The following SAMSN1 variants were observed in gnomAD, a reference collection of about 807,000 sequenced individuals.
SAMSN1 encodes the protein SAM domain-containing protein SAMSN-1.
A neutral mutation model predicts 42.0 loss-of-function variants in SAMSN1; 31 were observed. That is an observed-to-expected ratio of 0.74 (90% CI 0.55 to 1.00). The LOEUF is 1.00. Ranked by LOEUF, SAMSN1 falls within the 50% of genes least tolerant of loss-of-function variation. The pLI is 0.00. For synonymous variants in SAMSN1, 178 were observed against 151.9 expected (o/e 1.17, Z -1.26); for missense variants, 464 against 439.4 (o/e 1.06, Z -0.50).
intron 2 of SAMSN1, among the ~76,000 whole-genome samples, chr21:14,628,911 C>T (rs1417645918): frequency 6.6e-6 from 1 of 152,100 alleles, no homozygotes; most frequent in Non-Finnish European, 1.5e-5. Context: ...TTACAATTAA[C>T]CTCAATTTAT....
intron 1 of SAMSN1, among the ~76,000 whole-genome samples, chr21:14,528,839 G>T (rs567479183): frequency 6.6e-6 from 1 of 152,060 alleles, no homozygotes; most frequent in East Asian, 1.9e-4. Context: ...GCTCCACATT[G>T]CCATGACCGT....
At chr21:14,598,333 A>G (rs1198261160) in intron 6 of SAMSN1, 3 of 152,184 alleles carry the variant, frequency 2.0e-5, no homozygotes, top group Non-Finnish European at 4.4e-5. Flanking sequence ...ATTACTGCAT[A>G]TTTTATTCCC....
intron 1 of SAMSN1, among the ~76,000 whole-genome samples, chr21:14,658,557 C>G (rs765625269): frequency 4.6e-5 from 7 of 151,890 alleles, no homozygotes; most frequent in Non-Finnish European, 1.0e-4. Flanking sequence ...TAATACTTGT[C>G]TTTGAGTAGA....
intron 1 of SAMSN1, among the ~76,000 whole-genome samples, chr21:14,527,760 T>TAAAAAAAAAAAAAAAAAAAAAA (rs71183427): frequency 1.9e-5 from 2 of 107,878 alleles, no homozygotes; most frequent in Non-Finnish European, 3.6e-5. Flanking sequence ...AAACTAGAAC[T>TAAAAAAAAAAAAAAAAAAAAAA]AAAAAAAAAA....
intron 2 of SAMSN1, among the ~76,000 whole-genome samples, chr21:14,564,354 G>A (rs1484752115): frequency 1.3e-5 from 2 of 152,160 alleles, no homozygotes; most frequent in Non-Finnish European, 2.9e-5. Context: ...GAAAAAATGA[G>A]CAAAATGAGC....
intron 2 of SAMSN1, among the ~76,000 whole-genome samples, chr21:14,577,236 GTGTATA>G (rs1219179577): frequency 0.028 from 865 of 30,816 alleles, 68 homozygotes; most frequent in Admixed American, 0.074. Context: ...ATATATATGT[GTGTATA>G]TATATATATA....
chr21:14,611,152 T>G (rs1409925582), intron 4 of SAMSN1, among the ~76,000 whole-genome samples: 1 of 151,998 alleles, frequency 6.6e-6, no homozygotes, highest in Non-Finnish European at 1.5e-5. Flanking sequence ...CCTGAAAAGG[T>G]TAAACTATCC....
intron 5 of SAMSN1, among the ~76,000 whole-genome samples, chr21:14,605,851 TA>T (rs1801058032): frequency 1.3e-5 from 2 of 150,388 alleles, no homozygotes; most frequent in South Asian, 2.1e-4. Context: ...TTTATTTATT[TA>T]TTTTTTTGAG....
chr21:14,563,520 A>G (rs113350941), intron 2 of SAMSN1, among the ~76,000 whole-genome samples: 1 of 152,130 alleles, frequency 6.6e-6, no homozygotes, highest in Admixed American at 6.6e-5. Flanking sequence ...TAAGGCTCAA[A>G]AAAGAGCTGG....
At chr21:14,546,778 C>T (rs901084129), upstream of SAMSN1, among the ~76,000 whole-genome samples, 3 of 151,916 alleles carry the variant, frequency 2.0e-5, no homozygotes, top group Non-Finnish European at 2.9e-5. Flanking sequence ...GGCATGATCT[C>T]GGCTCACTGC....
rs575335369 is a variant in SAMSN1, at chr21:14,589,109, C to T, written c.465+4904G>A. 3.3e-5 allele frequency among the ~76,000 whole-genome samples: 5 copies of T among 152,146 alleles called. No individual in the cohort carries two copies. The East Asian group carries it at 7.7e-4, about 23-fold the overall frequency. ...TGGTTAAATATATCTCATTTTCAGA[C>T]ACTTTGCTTGAATATTAATATTAGA... On this transcript the variant is annotated intron_variant, in intron 7 of 15. Coordinates refer to the SAMSN1 transcript ENST00000647101.
intron 7 of SAMSN1, among the ~76,000 whole-genome samples, chr21:14,486,951 T>C (rs906602355): frequency 6.6e-6 from 1 of 152,196 alleles, no homozygotes; most frequent in Non-Finnish European, 1.5e-5. Flanking sequence ...CACATATTAC[T>C]CTTCTCGATT....
intron 5 of SAMSN1, among the ~76,000 whole-genome samples, chr21:14,604,841 T>C (rs1421594570): frequency 6.6e-6 from 1 of 152,210 alleles, no homozygotes; most frequent in Non-Finnish European, 1.5e-5. Flanking sequence ...GTCGAAGTCC[T>C]CCCCAGTCAT....
intron 1 of SAMSN1, among the ~76,000 whole-genome samples, chr21:14,543,764 C>CA (rs1980195483): frequency 6.6e-6 from 1 of 151,726 alleles, no homozygotes; most frequent in South Asian, 2.1e-4. Flanking sequence ...ATAGGATTTA[C>CA]AATTTAAAAA....
At chr21:14,608,298 G>A (rs1249573258) in intron 5 of SAMSN1, among the ~76,000 whole-genome samples, 4 of 152,194 alleles carry the variant, frequency 2.6e-5, no homozygotes, top group Non-Finnish European at 4.4e-5. Flanking sequence ...GAGAATATTT[G>A]TGCTTGGGGA....
At chr21:14,657,182 ATG>A (rs1983929883) in intron 1 of SAMSN1, among the ~76,000 whole-genome samples, 1 of 151,856 alleles carries the variant, frequency 6.6e-6, no homozygotes, top group African/African-American at 2.4e-5. Flanking sequence ...ACCTAAGATA[ATG>A]TTTATTTTTT....
At chr21:14,534,801 G>A (rs899484374) in intron 1 of SAMSN1, among the ~76,000 whole-genome samples, 1 of 152,110 alleles carries the variant, frequency 6.6e-6, no homozygotes, top group Non-Finnish European at 1.5e-5. Context: ...CCACAATGAG[G>A]CTCAACAGGC....
intron 1 of SAMSN1, among the ~76,000 whole-genome samples, chr21:14,645,954 TAC>T (rs1304167437): frequency 1.3e-5 from 2 of 151,908 alleles, no homozygotes; most frequent in Non-Finnish European, 2.9e-5. Flanking sequence ...TATTTTAAAA[TAC>T]ACAGTCAGAG....
chr21:14,585,169 T>G (rs1470574509), upstream of SAMSN1, among the ~76,000 whole-genome samples: 1 of 152,230 alleles, frequency 6.6e-6, no homozygotes, highest in African/African-American at 2.4e-5. Flanking sequence ...CAATTTCTAT[T>G]GCTGTTTATT....
Sources: allele counts gnomAD v4.1 joint callset (sites outside exome capture counted in the v4.1 genomes callset), GRCh38; gene constraint gnomAD v4.1.1; transcripts MANE v1.5; gene names NCBI Gene and HGNC (gene_info 2026-07-23, HGNC 2026-07-21).